The following NTM variants were observed in gnomAD, a reference collection of about 807,000 sequenced individuals.
The protein encoded by NTM is IgLON family member 2.
In NTM, 13 loss-of-function variants were observed where a neutral mutation model predicts 42.1. That is an observed-to-expected ratio of 0.31 (90% CI 0.20 to 0.49). The LOEUF (loss-of-function observed/expected upper bound fraction) is 0.49, where lower values mean the gene tolerates loss of function less well. Ranked by LOEUF, NTM falls within the 20% of genes least tolerant of loss-of-function variation. The probability of loss-of-function intolerance (pLI) is 0.99; values close to 1 mark genes in which losing one functional copy is unlikely to be tolerated. For missense variants in NTM, 373 were observed against 452.8 expected (o/e 0.82, Z 1.60); for synonymous variants, 187 against 179.2 (o/e 1.04, Z -0.35).
intron 1 of NTM, among the ~76,000 whole-genome samples, chr11:131,487,898 A>AT (rs1261492136): frequency 2.0e-5 from 3 of 152,200 alleles, no homozygotes; most frequent in Non-Finnish European, 4.4e-5. Flanking sequence ...TTGTTCAGGC[A>AT]TTTGCCAAGT....
At position 131,598,762 on chromosome 11, in the gene NTM, C is replaced by T. The variant is rs11222712; in HGVS notation, c.82+227874C>T. On this transcript the variant is annotated intron_variant, in intron 1 of 8. Coordinates refer to ENST00000683400, the MANE Select transcript of NTM (RefSeq NM_001352005.2). ...TTCTTTCTTTCTTTCTTTCTTCTTT[C>T]TTTTTTTCTTTCTTTCTTTCTTCTT... Among the ~76,000 whole-genome samples, 53 of 36,812 alleles carry T rather than the reference C, an allele frequency of 1.4e-3. 1 individual carries two copies. Among genetic ancestry groups the T allele is most frequent in the African/African-American group, 4.3e-3 (49 of 11,510 alleles). 24.2% of individuals were successfully genotyped at this position (36,812 alleles called of 152,430 possible). A position where few individuals can be genotyped will look rare whatever the true frequency, so the allele number is the denominator to read the frequency against.
intron 2 of NTM, among the ~76,000 whole-genome samples, chr11:132,009,271 T>C (rs2071538896): frequency 6.6e-6 from 1 of 152,216 alleles, no homozygotes; most frequent in Admixed American, 6.5e-5. Context: ...GGAAGTGTCC[T>C]AATTTTCCCT....
chr11:132,181,438 A>G (rs914707089), intron 3 of NTM, among the ~76,000 whole-genome samples: 2 of 152,156 alleles, frequency 1.3e-5, no homozygotes, highest in African/African-American at 4.8e-5. Context: ...CTTAGCTTTT[A>G]TGTCCTGCAG....
At chr11:131,881,147 C>T (rs546696476) in intron 1 of NTM, among the ~76,000 whole-genome samples, 2 of 152,248 alleles carry the variant, frequency 1.3e-5, no homozygotes, top group African/African-American at 2.4e-5. Context: ...CCTAAGGAGG[C>T]CTTCGCTCAG....
intron 3 of NTM, among the ~76,000 whole-genome samples, chr11:132,171,739 G>A (rs2076147094): frequency 6.6e-6 from 1 of 152,156 alleles, no homozygotes; most frequent in African/African-American, 2.4e-5. Flanking sequence ...CATCTGAATT[G>A]CAGGAATTCA....
At chr11:131,694,348 C>T (rs2075165527) in intron 1 of NTM, among the ~76,000 whole-genome samples, 1 of 152,184 alleles carries the variant, frequency 6.6e-6, no homozygotes, top group Non-Finnish European at 1.5e-5. Flanking sequence ...ATTCAGTCTC[C>T]ACGGGCAGCA....
At chr11:132,104,991 A>T (rs1165593696) in intron 2 of NTM, among the ~76,000 whole-genome samples, 14 of 106,682 alleles carry the variant, frequency 1.3e-4, no homozygotes, top group Admixed American at 2.3e-4. Flanking sequence ...ATATATATAT[A>T]TTTCATGGGA....
intron 1 of NTM, among the ~76,000 whole-genome samples, chr11:131,711,824 C>T (rs1430574248): frequency 6.6e-6 from 1 of 151,826 alleles, no homozygotes; most frequent in Non-Finnish European, 1.5e-5. Flanking sequence ...AGTTCATGTC[C>T]TTTGTAGGGA....
chr11:132,321,048 A>C (rs1193481033), intron 7 of NTM, among the ~76,000 whole-genome samples: 1 of 151,738 alleles, frequency 6.6e-6, no homozygotes, highest in Non-Finnish European at 1.5e-5. Context: ...TCAAAGACCA[A>C]AAGTAGATAA....
At chr11:131,875,496 C>A (rs2048400796) in intron 1 of NTM, among the ~76,000 whole-genome samples, 1 of 152,142 alleles carries the variant, frequency 6.6e-6, no homozygotes, top group African/African-American at 2.4e-5. Flanking sequence ...TGTCCTTCAG[C>A]CAAGCACTGT....
intron 1 of NTM, among the ~76,000 whole-genome samples, chr11:131,496,320 A>G (rs1955336272): frequency 2.0e-5 from 3 of 152,294 alleles, no homozygotes; most frequent in Middle Eastern, 6.8e-3. Context: ...GTTCAGCCCC[A>G]TGTCTGGTGA....
chr11:132,037,872 A>T (rs1239670035), intron 2 of NTM, among the ~76,000 whole-genome samples: 1 of 152,246 alleles, frequency 6.6e-6, no homozygotes, highest in Non-Finnish European at 1.5e-5. Context: ...GCCATATGCT[A>T]CTATGCAGCC....
intron 4 of NTM, among the ~76,000 whole-genome samples, chr11:132,230,410 A>G (rs1465077686): frequency 6.6e-6 from 1 of 152,240 alleles, no homozygotes; most frequent in Non-Finnish European, 1.5e-5. Flanking sequence ...AACTTGCTGG[A>G]GGTCAAGTCA....
intron 4 of NTM, among the ~76,000 whole-genome samples, chr11:132,279,041 A>C (rs1357791492): frequency 6.6e-6 from 1 of 152,166 alleles, no homozygotes; most frequent in Non-Finnish European, 1.5e-5. Context: ...AATGGAATGC[A>C]ACATGGTGTT....
chr11:131,910,950 C>G lies in NTM; in HGVS notation c.83-614C>G, dbSNP rs1047002009. 5.1e-6 allele frequency: 5 copies of G among 989,922 alleles called. No individual in the cohort carries two copies. The East Asian group carries it at 3.3e-4, about 65-fold the overall frequency. The allele number at this position is 989,922 out of a possible 1,614,324, so 61.3% of individuals were successfully genotyped here. Reference sequence around the variant, plus strand: ...ACCCCTGCGCCTCCCGCGAGCTCCACTTCCCATCTGCTATTGTTTCCGATT... The same window carrying G: ...ACCCCTGCGCCTCCCGCGAGCTCCAGTTCCCATCTGCTATTGTTTCCGATT... On this transcript the variant is annotated intron_variant, in intron 1 of 8. Coordinates refer to ENST00000683400, the MANE Select transcript of NTM (RefSeq NM_001352005.2).
intron 4 of NTM, among the ~76,000 whole-genome samples, chr11:132,285,664 A>C (rs1360724141): frequency 6.6e-6 from 1 of 152,178 alleles, no homozygotes; most frequent in Non-Finnish European, 1.5e-5. Context: ...AATTGGCAAT[A>C]TGAGTTTAGC....
intron 4 of NTM, among the ~76,000 whole-genome samples, chr11:132,266,738 C>T (rs1439784274): frequency 4.6e-5 from 7 of 152,166 alleles, no homozygotes; most frequent in African/African-American, 1.2e-4. Context: ...TTAATATGCT[C>T]ATAACAGTTT....
intron 4 of NTM, chr11:132,306,460 A>T (rs957151787): frequency 1.3e-5 from 2 of 152,180 alleles, no homozygotes; most frequent in African/African-American, 4.8e-5. Context: ...GTAATAACTA[A>T]ATCAACAGGT....
intron 1 of NTM, among the ~76,000 whole-genome samples, chr11:131,665,375 T>C (rs2068859495): frequency 6.6e-6 from 1 of 152,226 alleles, no homozygotes; most frequent in Admixed American, 6.5e-5. Context: ...TGTTATGAGC[T>C]GAACAGGGTC....
Sources: gnomAD v4.1 joint callset for allele counts (sites outside exome capture counted in the v4.1 genomes callset) on GRCh38, gnomAD v4.1.1 for gene constraint, MANE v1.5 for transcripts, NCBI Gene and HGNC (gene_info 2026-07-23, HGNC 2026-07-21) for gene names.